Variants in LIPC observed in about 807,000 individuals in gnomAD.
LIPC encodes the protein lipase C, hepatic type.
In LIPC, 44 loss-of-function variants were observed where a neutral mutation model predicts 50.7. The observed-to-expected ratio is 0.87, with a 90% CI of 0.68 to 1.11. The LOEUF (loss-of-function observed/expected upper bound fraction) is 1.11, where lower values mean the gene tolerates loss of function less well. Ranked by LOEUF, LIPC falls within the 50% of genes most tolerant of loss-of-function variation. The pLI, the probability that LIPC is intolerant of heterozygous loss-of-function variation, is 0.00. For missense variants in LIPC, 697 were observed against 648.2 expected (o/e 1.08, Z -0.82); for synonymous variants, 271 against 256.4 (o/e 1.06, Z -0.54).
rs371396620 is a variant in LIPC at position 58,568,813 on chromosome 15, C to T, written c.1486C>T (p.Arg496Ter). 26 of 1,592,332 alleles carry T rather than the reference C, an allele frequency of 1.6e-5. No homozygotes were observed. In the African/African-American group the frequency reaches 1.9e-4, roughly 12 times the overall value. ...KCEIKSKTSK[R>*]KIR Reference sequence around the variant, plus strand: ...TGAAATAAAGTCTAAAACATCAAAGCGAAAGATCAGATGAGATTTAATGAA... The same window carrying T: ...TGAAATAAAGTCTAAAACATCAAAGTGAAAGATCAGATGAGATTTAATGAA... The change falls in exon 9 of 9, where the codon CGA becomes TGA. Residue 496 changes from arginine (R) to a stop codon, truncating the protein, a stop_gained. Transcript: ENST00000299022. LOFTEE classifies it high-confidence loss of function.
intron 1 of LIPC, among the ~76,000 whole-genome samples, chr15:58,514,591 A>G (rs1892429430): frequency 6.6e-6 from 1 of 152,234 alleles, no homozygotes; most frequent in Non-Finnish European, 1.5e-5. Flanking sequence ...TGGGAGGCCA[A>G]GGCGGGAGGA....
At chr15:58,467,549 G>A in intron 1 of LIPC, among the ~76,000 whole-genome samples, 1 of 152,122 alleles carries the variant, frequency 6.6e-6, no homozygotes, top group Non-Finnish European at 1.5e-5. Context: ...TAGGCCTTCT[G>A]GGAAGCAGCT....
intron 1 of LIPC, among the ~76,000 whole-genome samples, chr15:58,525,958 G>A (rs997639033): frequency 3.1e-4 from 47 of 152,158 alleles, no homozygotes; most frequent in African/African-American, 1.0e-3. Context: ...TACTTTACAC[G>A]TTTATCTCAT....
chr15:58,521,430 C>T (rs1171541919), intron 1 of LIPC: 1 of 152,138 alleles, frequency 6.6e-6, no homozygotes, highest in Non-Finnish European at 1.5e-5. Flanking sequence ...GTCAAGAGAA[C>T]TATCCATACA....
At chr15:58,495,199 G>A (rs1329816933) in intron 1 of LIPC, among the ~76,000 whole-genome samples, 1 of 152,200 alleles carries the variant, frequency 6.6e-6, no homozygotes, top group East Asian at 1.9e-4. Context: ...CTTGACTGCA[G>A]TGTGGGCTGG....
chr15:58,499,132 G>C (rs886700599), intron 1 of LIPC, among the ~76,000 whole-genome samples: 6 of 152,190 alleles, frequency 3.9e-5, no homozygotes, highest in Non-Finnish European at 7.3e-5. Flanking sequence ...GGGGCAGGGC[G>C]AGAACACCAG....
intron 1 of LIPC, among the ~76,000 whole-genome samples, chr15:58,534,434 G>A (rs992261627): frequency 2.0e-5 from 3 of 152,104 alleles, no homozygotes; most frequent in Non-Finnish European, 1.5e-5. Flanking sequence ...ACCCCTAAAT[G>A]TGACCTGAAG....
intron 1 of LIPC, among the ~76,000 whole-genome samples, chr15:58,457,983 T>G (rs370773355): frequency 4.6e-5 from 7 of 152,156 alleles, no homozygotes; most frequent in Non-Finnish European, 7.4e-5. Flanking sequence ...GACATACCAG[T>G]TTATACTTTT....
intron 1 of LIPC, among the ~76,000 whole-genome samples, chr15:58,455,266 T>C (rs1259740209): frequency 1.3e-5 from 2 of 152,214 alleles, no homozygotes; most frequent in African/African-American, 2.4e-5. Context: ...GCCATAGGTG[T>C]CTGTTAAAAC....
At chr15:58,439,804 G>A (rs1430257451) in intron 1 of LIPC, among the ~76,000 whole-genome samples, 1 of 152,104 alleles carries the variant, frequency 6.6e-6, no homozygotes, top group African/African-American at 2.4e-5. Context: ...GTGAGCCTGG[G>A]GTAGACTTGG....
At chr15:58,561,881 C>T (rs1894175611) in intron 7 of LIPC, among the ~76,000 whole-genome samples, 1 of 152,170 alleles carries the variant, frequency 6.6e-6, no homozygotes, top group Non-Finnish European at 1.5e-5. Context: ...CCCACCTCCC[C>T]TTCCCACCAT....
At chr15:58,487,328 G>A (rs544958392) in intron 1 of LIPC, among the ~76,000 whole-genome samples, 1 of 152,328 alleles carries the variant, frequency 6.6e-6, no homozygotes, top group African/African-American at 2.4e-5. Flanking sequence ...TGGGCTCACA[G>A]TGAGGATTAA....
intron 5 of LIPC, 64 bp downstream of exon 5, chr15:58,546,039 C>G (rs1222214215): frequency 7.5e-7 from 1 of 1,333,130 alleles, no homozygotes; most frequent in Non-Finnish European, 1.1e-6. Context: ...TGGAATTCAG[C>G]GGAATCTACC....
At chr15:58,563,418 G>T in intron 7 of LIPC, 87 bp from the exon 8 acceptor site, 1 of 1,138,916 alleles carries the variant, frequency 8.8e-7, no homozygotes, top group Admixed American at 1.7e-5. Context: ...GTCATTCAGG[G>T]AAACACAACA....
At chr15:58,565,048 A>G (rs1272830145) in intron 8 of LIPC, 6 of 698,442 alleles carry the variant, frequency 8.6e-6, no homozygotes, top group Admixed American at 7.4e-5. Context: ...CCTGGGTTTC[A>G]CTGCCAGATG....
Position 58,539,905 on chromosome 15 carries a change from A to G in LIPC, c.273+1388A>G, listed in dbSNP as rs2233737. 5.3e-3 allele frequency among the ~76,000 whole-genome samples: 812 copies of G among 152,228 alleles called. 9 individuals are homozygous for G. The highest frequency in any genetic ancestry group is 0.018 in the African/African-American group (765 of 41,540). ...TCCCAAACAGGTCCTCCTGCAAGCCATTGCTGCCTTCATCCCAGCACTCCC... is the reference window on the plus strand; with the variant it reads ...TCCCAAACAGGTCCTCCTGCAAGCCGTTGCTGCCTTCATCCCAGCACTCCC... On this transcript the variant is annotated intron_variant, in intron 2 of 8. Transcript: ENST00000299022.
chr15:58,546,462 A>G (rs1301804307), intron 5 of LIPC, among the ~76,000 whole-genome samples: 1 of 151,734 alleles, frequency 6.6e-6, no homozygotes, highest in Non-Finnish European at 1.5e-5. Flanking sequence ...AATTACTCAG[A>G]CTGTCCCAAT....
At chr15:58,432,546 G>A (rs1304843675) in intron 1 of LIPC, among the ~76,000 whole-genome samples, 2 of 152,152 alleles carry the variant, frequency 1.3e-5, no homozygotes, top group Admixed American at 6.5e-5. Flanking sequence ...CAGAAGAGAG[G>A]GGAATTTATG....
chr15:58,557,469 C>G (rs1468410469), intron 6 of LIPC, among the ~76,000 whole-genome samples: 1 of 126,132 alleles, frequency 7.9e-6, no homozygotes, highest in Non-Finnish European at 1.6e-5. Flanking sequence ...ACTGTAAGCT[C>G]CACCTCCTGG....
Sources: gnomAD v4.1 joint callset for allele counts (sites outside exome capture counted in the v4.1 genomes callset) on GRCh38, gnomAD v4.1.1 for gene constraint, MANE v1.5 for transcripts, NCBI Gene and HGNC (gene_info 2026-07-23, HGNC 2026-07-21) for gene names.